CD44: variants seen among roughly 807,000 people sequenced by gnomAD.
CD44 encodes CD44 antigen.
CD44 carries 49 observed loss-of-function variants against 88.8 expected under a neutral mutation model. That is an observed-to-expected ratio of 0.55 (90% CI 0.44 to 0.70). The LOEUF is 0.70. CD44 is among the 30% of genes least tolerant of loss of function. The pLI is 0.00. For missense variants in CD44, 883 were observed against 913.8 expected (o/e 0.97, Z 0.43); for synonymous variants, 325 against 312.3 (o/e 1.04, Z -0.43).
chr11:35,162,220 G>A (rs556146493), intron 1 of CD44, among the ~76,000 whole-genome samples: 2 of 152,236 alleles, frequency 1.3e-5, no homozygotes, highest in East Asian at 3.9e-4. Flanking sequence ...GCTTTAAGAG[G>A]CACAGATTTC....
At chr11:35,191,200 C>T (rs565653648) in intron 5 of CD44, among the ~76,000 whole-genome samples, 2 of 152,184 alleles carry the variant, frequency 1.3e-5, no homozygotes, top group South Asian at 4.2e-4. Flanking sequence ...CAAGACAGGG[C>T]CCTTCTCTAT....
chr11:35,186,951 C>T (rs1945742196), intron 4 of CD44, 51 bp downstream of exon 4: 1 of 1,069,314 alleles, frequency 9.4e-7, no homozygotes, highest in Admixed American at 1.7e-5. Flanking sequence ...GGGGAAAGGG[C>T]TCAGGTGTGT....
At chr11:35,146,911 G>A (rs1859279167) in intron 1 of CD44, among the ~76,000 whole-genome samples, 1 of 152,176 alleles carries the variant, frequency 6.6e-6, no homozygotes, top group Non-Finnish European at 1.5e-5. Flanking sequence ...AAATGAAGGA[G>A]GAGGAAGTTG....
chr11:35,182,415 G>A lies in CD44; in HGVS notation c.367+2008G>A, dbSNP rs114754496. Among the ~76,000 whole-genome samples the A allele has an allele frequency of 4.1e-3, 627 of 152,092 alleles. 6 individuals are homozygous for A. The highest frequency in any genetic ancestry group is 0.014 in the African/African-American group (592 of 41,490). On this transcript the variant is annotated intron_variant, in intron 3 of 17. Coordinates refer to ENST00000428726, the MANE Select transcript of CD44 (RefSeq NM_000610.4). ...AAATTTACAGGTCACTGAATCTATC[G>A]AGAGACATACGAAACAGGAACAGAA...
chr11:35,209,758 A>G (rs1307838443), intron 12 of CD44, among the ~76,000 whole-genome samples: 1 of 152,298 alleles, frequency 6.6e-6, no homozygotes, highest in African/African-American at 2.4e-5. Flanking sequence ...TATACTGAGA[A>G]ATAAAGGGTC....
chr11:35,209,686 G>A (rs532881715), intron 12 of CD44, among the ~76,000 whole-genome samples: 12 of 152,272 alleles, frequency 7.9e-5, no homozygotes, highest in Non-Finnish European at 1.3e-4. Context: ...ATTGAGCCTG[G>A]ACAATCCAGG....
intron 17 of CD44, among the ~76,000 whole-genome samples, chr11:35,228,388 C>T (rs751215747): frequency 6.6e-6 from 1 of 152,088 alleles, no homozygotes; most frequent in Non-Finnish European, 1.5e-5. Context: ...TTATTCTTCT[C>T]GATACATTCA....
At chr11:35,181,905 T>TATTATATATTATATATTATATAA (rs1291148360) in intron 3 of CD44, among the ~76,000 whole-genome samples, 5 of 66,084 alleles carry the variant, frequency 7.6e-5, no homozygotes, top group African/African-American at 3.9e-4. Context: ...ATATAATATA[T>TATTATATATTATATATTATATAA]AATATATATT....
intron 13 of CD44, 40 bp downstream of exon 13, chr11:35,210,094 A>C: frequency 8.6e-7 from 1 of 1,161,054 alleles, no homozygotes; most frequent in Admixed American, 2.6e-5. Context: ...GCTATTGATA[A>C]GAATCAATCA....
At chr11:35,173,520 C>T (rs1402205339) in intron 1 of CD44, among the ~76,000 whole-genome samples, 1 of 152,158 alleles carries the variant, frequency 6.6e-6, no homozygotes, top group Non-Finnish European at 1.5e-5. Context: ...ACTGCAAAAA[C>T]ACATTTTCTC....
intron 14 of CD44, among the ~76,000 whole-genome samples, chr11:35,211,674 ATGTGTGTGTG>A (rs57790931): frequency 1.8e-4 from 27 of 149,120 alleles, no homozygotes; most frequent in African/African-American, 4.7e-4. Flanking sequence ...CTGTGTTTGC[ATGTGTGTGTG>A]TGTGTGTGTG....
chr11:35,202,858 C>A (rs1947445602), intron 9 of CD44, among the ~76,000 whole-genome samples: 1 of 152,290 alleles, frequency 6.6e-6, no homozygotes, highest in Non-Finnish European at 1.5e-5. Context: ...ACAGAGGAAG[C>A]ATAAATCTCT....
Position 35,214,854 on chromosome 11 carries a change from G to A in CD44, c.1813G>A (p.Asp605Asn). ...ACCTTCCTGATTGCTCATTACAGGA[G>A]ACCAAGACACATTCCACCCCAGTGG... Reference protein sequence around the residue: ...NSNVNRSLSGDQDTFHPSGGS... With the variant: ...NSNVNRSLSGNQDTFHPSGGS... Residue 605 changes from aspartate (D) to asparagine (N), a missense_variant and splice_region_variant, in exon 15 of 18, where the codon GAC (aspartate) becomes AAC (asparagine). Coordinates refer to ENST00000428726, the MANE Select transcript of CD44 (RefSeq NM_000610.4). 1.9e-6 allele frequency: 3 copies of A among 1,549,166 alleles called. No homozygotes were observed. Among genetic ancestry groups the A allele is most frequent in the East Asian group, 2.4e-5 (1 of 41,028 alleles).
Position 35,206,256 on chromosome 11 carries a change from G to C in CD44, c.1414+13G>C, listed in dbSNP as rs1947829368. Reference sequence around the variant, plus strand: ...GGAAGAAGGATGGGTAATAGCCTCTGAGATTTTTATATATTATGTTTTTTG... The same window carrying C: ...GGAAGAAGGATGGGTAATAGCCTCTCAGATTTTTATATATTATGTTTTTTG... On this transcript the variant is annotated intron_variant, in intron 11 of 17. Coordinates refer to ENST00000428726, the MANE Select transcript of CD44 (RefSeq NM_000610.4). 1.3e-6 allele frequency: 2 copies of C among 1,584,500 alleles called. No homozygotes were observed. Among genetic ancestry groups the C allele is most frequent in the Admixed American group, 1.9e-5 (1 of 52,560 alleles).
intron 1 of CD44, among the ~76,000 whole-genome samples, chr11:35,173,910 G>C (rs1591048500): frequency 6.6e-6 from 1 of 152,192 alleles, no homozygotes; most frequent in Non-Finnish European, 1.5e-5. Context: ...TCATGGGTTT[G>C]GGTGGTAAAC....
Position 35,219,398 on chromosome 11 carries a change from A to G in CD44, c.1945+11A>G, listed in dbSNP as rs1238858190. The stretch of plus-strand genomic sequence containing the variant: ...CACCCCAAATTCCAGGTGAGTTTCA[A>G]ACTTTGAGGCAGAAAAACACACTGA... On this transcript the variant is annotated intron_variant, in intron 16 of 17. Coordinates refer to ENST00000428726, the MANE Select transcript of CD44 (RefSeq NM_000610.4). 1 of 1,606,742 alleles carries G rather than the reference A, an allele frequency of 6.2e-7. No homozygotes were observed. Among genetic ancestry groups the G allele is most frequent in the Admixed American group, 1.7e-5 (1 of 59,942 alleles).
At chr11:35,188,460 A>T (rs1945917794) in intron 4 of CD44, among the ~76,000 whole-genome samples, 1 of 152,228 alleles carries the variant, frequency 6.6e-6, no homozygotes, top group African/African-American at 2.4e-5. Context: ...CACTATGTCT[A>T]ATGTATGTCC....
At chr11:35,198,450 T>C (rs1946973434) in intron 7 of CD44, 1 of 525,730 alleles carries the variant, frequency 1.9e-6, no homozygotes, top group African/African-American at 1.9e-5. Flanking sequence ...AAAATTTCTC[T>C]TGTCTCATGT....
At chr11:35,142,490 C>A (rs1378833434) in intron 1 of CD44, among the ~76,000 whole-genome samples, 1 of 152,054 alleles carries the variant, frequency 6.6e-6, no homozygotes. Flanking sequence ...CGTCTGAGAG[C>A]CCTGGGTCTT....
Sources: gnomAD v4.1 joint callset for allele counts (sites outside exome capture counted in the v4.1 genomes callset) on GRCh38, gnomAD v4.1.1 for gene constraint, MANE v1.5 for transcripts, NCBI Gene and HGNC (gene_info 2026-07-23, HGNC 2026-07-21) for gene names.